XXYLT1: variants seen among roughly 807,000 people sequenced by gnomAD.
XXYLT1 encodes UDP-xylose:alpha-xyloside alpha-1,3-xylosyltransferase.
A neutral mutation model predicts 28.9 loss-of-function variants in XXYLT1; 20 were observed. That is an observed-to-expected ratio of 0.69 (90% CI 0.49 to 1.00). XXYLT1 has a LOEUF of 1.00. Among genes scored for constraint, XXYLT1 ranks in the 50% least tolerant of loss-of-function variants. XXYLT1 has a pLI of 0.00. For missense variants in XXYLT1, 542 were observed against 560.1 expected, an observed-to-expected ratio of 0.97 and a Z score of 0.33; for synonymous variants, 257 against 253.8, an observed-to-expected ratio of 1.01 and a Z score of -0.12.
intron 2 of XXYLT1, among the ~76,000 whole-genome samples, chr3:195,162,046 A>C: frequency 6.6e-6 from 1 of 151,158 alleles, no homozygotes; most frequent in East Asian, 1.9e-4. Flanking sequence ...CTGTGTTCGC[A>C]CCACTGCACT....
At position 195,156,415 on chromosome 3, in the gene XXYLT1, T is replaced by C. The variant is rs770076421; in HGVS notation, c.785+34A>G. On this transcript the variant is annotated intron_variant, in intron 3 of 3. Coordinates refer to ENST00000310380, the MANE Select transcript of XXYLT1 (RefSeq NM_152531.5). ...AGAGAGGGTGAAGGGTGGGGAGGGG[T>C]CGTGGAGGCGGCCCCCCTGCAGTCA... The C allele has an allele frequency of 1.1e-5, 17 of 1,603,070 alleles. No homozygotes were observed. The South Asian group carries it at 1.2e-4, about 12-fold the overall frequency.
intron 2 of XXYLT1, chr3:195,184,594 C>G: frequency 2.0e-6 from 2 of 984,678 alleles, no homozygotes; most frequent in Non-Finnish European, 2.4e-6. Flanking sequence ...GAAGAACCCC[C>G]CCAAGAAACA....
In XXYLT1 at chr3:195,270,572, C is replaced by T. The variant is rs949547787; in HGVS notation, c.487G>A (p.Ala163Thr). The change falls in exon 1 of 4, where the codon GCT (alanine) becomes ACT (threonine). Residue 163 changes from alanine to threonine, a missense_variant. Transcript: ENST00000310380. ...CCGCTCACCTTGCACTTGAAGCCAG[C>T]GGCGGGCGGCAGGAGCTCCCGCAGC... ...GLLRELLPPA[A>T]GFKCKVIFHD... The T allele has an allele frequency of 5.8e-6, 8 of 1,381,188 alleles. No individual in the cohort carries two copies. Among genetic ancestry groups the T allele is most frequent in the African/African-American group, 1.5e-5 (1 of 65,982 alleles). The allele number at this position is 1,381,188 out of a possible 1,614,324, so 85.6% of individuals were successfully genotyped here.
chr3:195,208,545 C>T (rs546317207), intron 2 of XXYLT1, among the ~76,000 whole-genome samples: 81 of 152,258 alleles, frequency 5.3e-4, no homozygotes, highest in Non-Finnish European at 7.2e-4. Flanking sequence ...CAAGAGACAA[C>T]GCTCGTGACG....
rs1217615696 is a variant in XXYLT1, at chr3:195,220,390, C to T, written c.652+6319G>A. Among the ~76,000 whole-genome samples, 5 of 152,180 alleles carry T rather than the reference C, an allele frequency of 3.3e-5. No homozygotes were observed. In the South Asian group the frequency reaches 8.3e-4, roughly 25 times the overall value. ...AACTCCTGACCTCAGATGATCCGCC[C>T]GCCTCGGTCTCCCAAAGTGCTGGGA... On this transcript the variant is annotated intron_variant, in intron 2 of 3. Coordinates refer to ENST00000310380, the MANE Select transcript of XXYLT1 (RefSeq NM_152531.5).
intron 2 of XXYLT1, chr3:195,175,808 T>C: frequency 2.8e-6 from 4 of 1,443,592 alleles, no homozygotes; most frequent in Admixed American, 2.5e-5. Flanking sequence ...CGTTACAGGA[T>C]GGAAGTGGCC....
intron 3 of XXYLT1, among the ~76,000 whole-genome samples, chr3:195,105,386 G>A (rs1233298592): frequency 6.6e-6 from 1 of 152,220 alleles, no homozygotes; most frequent in Non-Finnish European, 1.5e-5. Flanking sequence ...TGACTGGAGA[G>A]TACAGCTGTC....
At position 195,195,932 on chromosome 3, in the gene XXYLT1, G is replaced by C. The variant is rs1280632960; in HGVS notation, c.652+30777C>G. Among the ~76,000 whole-genome samples, 2 of 152,166 alleles carry C rather than the reference G, an allele frequency of 1.3e-5. No individual in the cohort carries two copies. Among genetic ancestry groups the C allele is most frequent in the Non-Finnish European group, 2.9e-5 (2 of 68,028 alleles). On this transcript the variant is annotated intron_variant, in intron 2 of 3. Coordinates refer to ENST00000310380, the MANE Select transcript of XXYLT1 (RefSeq NM_152531.5). This position sits in a 1 kb window ranked among gnomAD's most constrained non-coding sequence, Gnocchi z 4.4. ...GTCCCTCTTTCTCCTCACTGCCTCA[G>C]TCTCCCTGCCTGGCACTGCCATTCC...
chr3:195,251,487 G>A lies in XXYLT1; in HGVS notation c.504+19068C>T, dbSNP rs145927034. On this transcript the variant is annotated intron_variant, in intron 1 of 3. Transcript: ENST00000310380. ...TGAAGGGAGTGAGGCCAGGACAGAC[G>A]CCTGTGAAGCTGCGCTGAGCACCGG... Among the ~76,000 whole-genome samples, 72 of 152,302 alleles carry A rather than the reference G, an allele frequency of 4.7e-4. 1 individual carries two copies. In the East Asian group the frequency reaches 0.013, roughly 27 times the overall value.
intron 3 of XXYLT1, among the ~76,000 whole-genome samples, chr3:195,109,610 TTGTATGAG>T (rs1322432540): frequency 4.7e-4 from 33 of 70,866 alleles, no homozygotes; most frequent in Non-Finnish European, 8.5e-4. Flanking sequence ...GTGGTGTGTG[TTGTATGAG>T]TGTGTGTGGT....
At chr3:195,112,524 A>C (rs368815574) in intron 3 of XXYLT1, among the ~76,000 whole-genome samples, 1,832 of 136,564 alleles carry the variant, frequency 0.013, 40 homozygotes, top group African/African-American at 0.044. Flanking sequence ...CCACACACAC[A>C]CACAGAGCCC....
In XXYLT1 at chr3:195,270,544, G is replaced by C. The variant is rs752846421; in HGVS notation, c.504+11C>G. ...CCACCCACCGGGAGCCCCCAGCCGCGGCCCGCTCACCTTGCACTTGAAGCC... is the reference window on the plus strand; with the variant it reads ...CCACCCACCGGGAGCCCCCAGCCGCCGCCCGCTCACCTTGCACTTGAAGCC... On this transcript the variant is annotated intron_variant, in intron 1 of 3. Coordinates refer to ENST00000310380, the MANE Select transcript of XXYLT1 (RefSeq NM_152531.5). 2.0e-5 allele frequency: 28 copies of C among 1,376,620 alleles called. No homozygotes were observed. The African/African-American group carries it at 3.2e-4, about 16-fold the overall frequency. The allele number at this position is 1,376,620 out of a possible 1,614,324, so 85.3% of individuals were successfully genotyped here.
chr3:195,259,301 T>C (rs1344597646), intron 1 of XXYLT1, among the ~76,000 whole-genome samples: 2 of 152,250 alleles, frequency 1.3e-5, no homozygotes, highest in Non-Finnish European at 2.9e-5. Flanking sequence ...GAGGCCTAGC[T>C]CCACTGCTCA....
Position 195,175,501 on chromosome 3 carries a change from G to A in XXYLT1, c.653-18920C>T, listed in dbSNP as rs1327477418. The A allele has an allele frequency of 4.8e-6, 6 of 1,258,808 alleles. No homozygotes were observed. The African/African-American group carries it at 5.7e-5, about 12-fold the overall frequency. The allele number at this position is 1,258,808 out of a possible 1,614,324, so 78.0% of individuals were successfully genotyped here. The stretch of plus-strand genomic sequence containing the variant: ...AGAGGACGACAATGAGTTCTGTGTT[G>A]CATGTTGACTTTGCTGCACCCATGG... On this transcript the variant is annotated intron_variant, in intron 2 of 3. Transcript: ENST00000310380.
rs1720596110 is a variant in XXYLT1 at position 195,156,433 on chromosome 3, T to G, written c.785+16A>C. The G allele has an allele frequency of 1.2e-6, 2 of 1,612,398 alleles. No individual in the cohort carries two copies. Among genetic ancestry groups the G allele is most frequent in the South Asian group, 1.1e-5 (1 of 90,930 alleles). On this transcript the variant is annotated intron_variant, in intron 3 of 3. Coordinates refer to ENST00000310380, the MANE Select transcript of XXYLT1 (RefSeq NM_152531.5). ...GGAGGGGTCGTGGAGGCGGCCCCCC[T>G]GCAGTCATGACGCACCTGTAAACTG...
chr3:195,259,705 A>G (rs936056475), intron 1 of XXYLT1: 1 of 982,574 alleles, frequency 1.0e-6, no homozygotes, highest in Non-Finnish European at 1.2e-6. Flanking sequence ...CAGACCCAGC[A>G]CCAGGGCGGC....
intron 3 of XXYLT1, among the ~76,000 whole-genome samples, chr3:195,088,180 A>G (rs1417102534): frequency 4.6e-5 from 7 of 151,746 alleles, no homozygotes; most frequent in South Asian, 2.1e-4. Context: ...GGTGGAGCCC[A>G]CCACAGCTCA....
intron 3 of XXYLT1, among the ~76,000 whole-genome samples, chr3:195,131,980 A>G (rs1718929359): frequency 1.3e-5 from 2 of 152,208 alleles, no homozygotes; most frequent in South Asian, 2.1e-4. Flanking sequence ...TAGCAGGCCC[A>G]AGAGGAAGAT....
intron 3 of XXYLT1, among the ~76,000 whole-genome samples, chr3:195,127,224 C>T (rs1431275511): frequency 6.6e-6 from 1 of 152,074 alleles, no homozygotes; most frequent in East Asian, 1.9e-4. Context: ...GGAAGGGAGA[C>T]ACAGCAAAAC....
Sources: allele counts gnomAD v4.1 joint callset (sites outside exome capture counted in the v4.1 genomes callset), GRCh38; gene constraint gnomAD v4.1.1; non-coding constraint Gnocchi (gnomAD v3.1); transcripts MANE v1.5; gene names NCBI Gene and HGNC (gene_info 2026-07-23, HGNC 2026-07-21).